AGPAT4: variants seen among roughly 807,000 people sequenced by gnomAD.
The protein encoded by AGPAT4 is 1-acyl-sn-glycerol-3-phosphate acyltransferase delta.
A neutral mutation model predicts 48.0 loss-of-function variants in AGPAT4; 15 were observed. The observed-to-expected ratio is 0.31, with a 90% CI of 0.21 to 0.48. AGPAT4 has a LOEUF of 0.48. Among genes scored for constraint, AGPAT4 ranks in the 20% least tolerant of loss-of-function variants. The probability of loss-of-function intolerance (pLI) is 0.99; values close to 1 mark genes in which losing one functional copy is unlikely to be tolerated. For synonymous variants in AGPAT4, 178 were observed against 198.7 expected (o/e 0.90, Z 0.88); for missense variants, 314 against 482.5 (o/e 0.65, Z 3.27).
chr6:161,171,733 C>CA lies in AGPAT4; in HGVS notation c.179-5317dup, dbSNP rs36059455. Among the ~76,000 whole-genome samples the CA allele has an allele frequency of 0.082, 9,652 of 117,666 alleles. 316 individuals are homozygous for CA. Among genetic ancestry groups the CA allele is most frequent in the Middle Eastern group, 0.15 (35 of 228 alleles). The allele number at this position is 117,666 out of a possible 152,430, so 77.2% of individuals were successfully genotyped here. On this transcript the variant is annotated intron_variant, in intron 2 of 8. Transcript: ENST00000320285. This position sits in a 1 kb window ranked among gnomAD's most constrained non-coding sequence, Gnocchi z 4.4. ...TGAAACCCTGTCTCTACTAAAAATACAAAAAAAAAAAAAAAAATTAGCTGG... is the reference window on the plus strand; with the variant it reads ...TGAAACCCTGTCTCTACTAAAAATACAAAAAAAAAAAAAAAAAATTAGCTGG...
rs1779743497 is a variant in AGPAT4 at position 161,155,453 on chromosome 6, C to T, written c.349-1143G>A. On this transcript the variant is annotated intron_variant, in intron 3 of 8. Transcript: ENST00000320285. This position sits in a 1 kb window ranked among gnomAD's most constrained non-coding sequence, Gnocchi z 5.8. ...CCTCTCTCCTCTCCTCCCCGTTACA[C>T]CCATGCCTCTCCGCAGCTCCAGCTC... is the stretch of plus-strand genomic sequence containing the variant. Among the ~76,000 whole-genome samples the T allele has an allele frequency of 6.6e-6, 1 of 152,162 alleles. No homozygotes were observed. The highest frequency in any genetic ancestry group is 1.5e-5 in the Non-Finnish European group (1 of 68,024).
rs1471193838 is a variant in AGPAT4 at position 161,201,007 on chromosome 6, A to C, written c.178+31029T>G. 1.3e-5 allele frequency among the ~76,000 whole-genome samples: 2 copies of C among 152,212 alleles called. No individual in the cohort carries two copies. Among genetic ancestry groups the C allele is most frequent in the African/African-American group, 4.8e-5 (2 of 41,458 alleles). ...CCATCAGAGCAACAGGCAGAACGAC[A>C]GCTTCCTGCAAATGCATCATCTTGC... On this transcript the variant is annotated intron_variant, in intron 2 of 8. Transcript: ENST00000320285. The surrounding 1 kb of genome is among the most constrained non-coding windows in gnomAD (Gnocchi z 6.0).
At chr6:161,203,069 C>T (rs1039315274) in intron 2 of AGPAT4, among the ~76,000 whole-genome samples, 2 of 152,198 alleles carry the variant, frequency 1.3e-5, no homozygotes, top group African/African-American at 4.8e-5. Flanking sequence ...TGTTCAGAAT[C>T]CTGACCCAAC....
chr6:161,240,617 G>A lies in AGPAT4; in HGVS notation c.-89-8315C>T, dbSNP rs560235990. Reference sequence around the variant, plus strand: ...CAGATTGTTTCTGAACCAATATTTCGGTCTCCAGGACACAGAATCCCCAGG... The same window carrying A: ...CAGATTGTTTCTGAACCAATATTTCAGTCTCCAGGACACAGAATCCCCAGG... On this transcript the variant is annotated intron_variant, in intron 1 of 8. Coordinates refer to ENST00000320285, the MANE Select transcript of AGPAT4 (RefSeq NM_020133.3). This position sits in a 1 kb window ranked among gnomAD's most constrained non-coding sequence, Gnocchi z 5.5. Among the ~76,000 whole-genome samples, 51 of 152,252 alleles carry A rather than the reference G, an allele frequency of 3.3e-4. 1 individual carries two copies. The South Asian group carries it at 7.5e-3, about 22-fold the overall frequency.
rs1300531671 is a variant in AGPAT4 at position 161,259,891 on chromosome 6, G to C, written c.-90+14047C>G. Among the ~76,000 whole-genome samples the C allele has an allele frequency of 2.6e-5, 4 of 152,188 alleles. No individual in the cohort carries two copies. Among genetic ancestry groups the C allele is most frequent in the Non-Finnish European group, 5.9e-5 (4 of 68,042 alleles). ...CACGCTGCACCCCCAGGGCCGAGTC[G>C]TAAGTTCACCATTGAGTCACATCCT... On this transcript the variant is annotated intron_variant, in intron 1 of 8. Transcript: ENST00000320285. This position sits in a 1 kb window ranked among gnomAD's most constrained non-coding sequence, Gnocchi z 4.9.
At position 161,169,777 on chromosome 6, in the gene AGPAT4, C is replaced by T. The variant is rs141392896; in HGVS notation, c.179-3360G>A. On this transcript the variant is annotated intron_variant, in intron 2 of 8. Transcript: ENST00000320285. This position sits in a 1 kb window ranked among gnomAD's most constrained non-coding sequence, Gnocchi z 5.0. ...CTCTAACTAGCTTCAGGATGTGTTA[C>T]GCTGGCCTGGACTACATTTCCCAAA... 0.01 allele frequency among the ~76,000 whole-genome samples: 1,529 copies of T among 152,294 alleles called. 16 individuals carry two copies. The highest frequency in any genetic ancestry group is 0.035 in the African/African-American group (1,463 of 41,558).
Position 161,139,616 on chromosome 6 carries a change from G to A in AGPAT4, c.848C>T (p.Ala283Val). ...WLHKLYQEKDAFQEEYYRTGT... is the reference protein window; with the variant it reads ...WLHKLYQEKDVFQEEYYRTGT... Reference sequence around the variant, plus strand: ...CGTCCTGTAGTACTCCTCCTGAAAGGCATCCTGGGGGACAGGAAAGAGGAC... The same window carrying A: ...CGTCCTGTAGTACTCCTCCTGAAAGACATCCTGGGGGACAGGAAAGAGGAC... The change falls in exon 8 of 9, where the codon GCC becomes GTC. Residue 283 changes from alanine to valine, a missense_variant. Ala to Val is a moderately conservative substitution (Grantham distance 64). Coordinates refer to ENST00000320285, the MANE Select transcript of AGPAT4 (RefSeq NM_020133.3). The surrounding 1 kb of genome is among the most constrained non-coding windows in gnomAD (Gnocchi z 9.1). 2 of 1,599,280 alleles carry A rather than the reference G, an allele frequency of 1.3e-6. No individual in the cohort carries two copies. The highest frequency in any genetic ancestry group is 2.2e-5 in the East Asian group (1 of 44,470).
chr6:161,217,716 G>T lies in AGPAT4; in HGVS notation c.178+14320C>A, dbSNP rs1033169323. On this transcript the variant is annotated intron_variant, in intron 2 of 8. Transcript: ENST00000320285. The surrounding 1 kb of genome is among the most constrained non-coding windows in gnomAD (Gnocchi z 4.9). ...CTGGTGAAAGGACTGGCTGGGAGAG[G>T]CATGGCATATTCAGAAATCCTCAAA... Among the ~76,000 whole-genome samples the T allele has an allele frequency of 1.3e-5, 2 of 152,184 alleles. No homozygotes were observed. Among genetic ancestry groups the T allele is most frequent in the Non-Finnish European group, 2.9e-5 (2 of 68,040 alleles).
Position 161,139,394 on chromosome 6 carries a change from A to G in AGPAT4, c.1042+28T>C, listed in dbSNP as rs747945427. ...CCTCTCCCAGGGTGGTGCTGTCAGC[A>G]CCCACCAGCCCCTTGCCCTCCACTC... is the stretch of plus-strand genomic sequence containing the variant. On this transcript the variant is annotated intron_variant, in intron 8 of 8. Transcript: ENST00000320285. The surrounding 1 kb of genome is among the most constrained non-coding windows in gnomAD (Gnocchi z 9.1). The G allele has an allele frequency of 1.2e-6, 2 of 1,611,010 alleles. No individual in the cohort carries two copies. Among genetic ancestry groups the G allele is most frequent in the South Asian group, 2.2e-5 (2 of 90,890 alleles).
chr6:161,213,474 T>A (rs773816974), intron 2 of AGPAT4, among the ~76,000 whole-genome samples: 3 of 150,908 alleles, frequency 2.0e-5, no homozygotes, highest in African/African-American at 4.9e-5. Context: ...TTCTAAGTTT[T>A]CTGGGCTACA....
At position 161,261,172 on chromosome 6, in the gene AGPAT4, G is replaced by A. The variant is rs150345630; in HGVS notation, c.-90+12766C>T. The stretch of plus-strand genomic sequence containing the variant: ...CAGCTCCTTCTCCTCCCTGCCTCCC[G>A]CTGAACAGTCAGGTGCATCTTTCCC... On this transcript the variant is annotated intron_variant, in intron 1 of 8. Transcript: ENST00000320285. This position sits in a 1 kb window ranked among gnomAD's most constrained non-coding sequence, Gnocchi z 5.3. 4.0e-3 allele frequency among the ~76,000 whole-genome samples: 611 copies of A among 152,148 alleles called. 3 individuals carry two copies. The highest frequency in any genetic ancestry group is 0.014 in the African/African-American group (571 of 41,484).
At chr6:161,252,578 C>G (rs1422709163) in intron 1 of AGPAT4, among the ~76,000 whole-genome samples, 1 of 152,162 alleles carries the variant, frequency 6.6e-6, no homozygotes, top group African/African-American at 2.4e-5. Flanking sequence ...AGTCCCAGCA[C>G]TCTGTAAGGC....
Position 161,189,669 on chromosome 6 carries a change from C to T in AGPAT4, c.179-23252G>A, listed in dbSNP as rs1780867216. ...CAGGCCAGCTGCACATCCGTGGGCT[C>T]CTCCATCAGTCTCTGGCCCCCTCTT... On this transcript the variant is annotated intron_variant, in intron 2 of 8. Transcript: ENST00000320285. The surrounding 1 kb of genome is among the most constrained non-coding windows in gnomAD (Gnocchi z 5.3). Among the ~76,000 whole-genome samples, 1 of 152,150 alleles carries T rather than the reference C, an allele frequency of 6.6e-6. No homozygotes were observed. The highest frequency in any genetic ancestry group is 1.5e-5 in the Non-Finnish European group (1 of 68,042).
At position 161,143,853 on chromosome 6, in the gene AGPAT4, C is replaced by T; in HGVS notation, c.843+2671G>A. The T allele has an allele frequency of 3.3e-6, 1 of 300,736 alleles. No individual in the cohort carries two copies. The highest frequency in any genetic ancestry group is 3.0e-5 in the South Asian group (1 of 33,342). 18.6% of individuals were successfully genotyped at this position (300,736 alleles called of 1,614,324 possible). ...TTGGAAAGACCAGAATGTTGGCACA[C>T]CTCTGTTGGCTGCCTGCCATTCCCC... On this transcript the variant is annotated intron_variant, in intron 7 of 8. Transcript: ENST00000320285. The surrounding 1 kb of genome is among the most constrained non-coding windows in gnomAD (Gnocchi z 4.7).
chr6:161,179,222 G>A (rs1780514966), intron 2 of AGPAT4, among the ~76,000 whole-genome samples: 1 of 152,192 alleles, frequency 6.6e-6, no homozygotes. Flanking sequence ...TCCAACATGC[G>A]TGGGTTGTGG....
chr6:161,230,974 A>T (rs951828241), intron 2 of AGPAT4, among the ~76,000 whole-genome samples: 1 of 152,224 alleles, frequency 6.6e-6, no homozygotes, highest in Non-Finnish European at 1.5e-5. Flanking sequence ...TCTGAAGTTT[A>T]ACAAATAAGA....
chr6:161,140,309 C>T lies in AGPAT4; in HGVS notation c.844-689G>A, dbSNP rs147490268. 6.5e-3 allele frequency among the ~76,000 whole-genome samples: 993 copies of T among 152,308 alleles called. 12 individuals carry two copies. The highest frequency in any genetic ancestry group is 0.023 in the African/African-American group (944 of 41,572). Reference sequence around the variant, plus strand: ...TGACTCTTCTAAGTGATTGTTAGACCGTGTGAAAGGTAAACAAACAGGCTC... The same window carrying T: ...TGACTCTTCTAAGTGATTGTTAGACTGTGTGAAAGGTAAACAAACAGGCTC... On this transcript the variant is annotated intron_variant, in intron 7 of 8. Coordinates refer to ENST00000320285, the MANE Select transcript of AGPAT4 (RefSeq NM_020133.3). This position sits in a 1 kb window ranked among gnomAD's most constrained non-coding sequence, Gnocchi z 6.5.
rs1373260997 is a variant in AGPAT4, at chr6:161,149,507, CAG to C, written c.665-220_665-219del. On this transcript the variant is annotated intron_variant, in intron 5 of 8. Transcript: ENST00000320285. The surrounding 1 kb of genome is among the most constrained non-coding windows in gnomAD (Gnocchi z 6.5). Reference sequence around the variant, plus strand: ...CCCACTAGAACTTAGTAATAGAAAACAGGGTCATTGCTGAAGTCAGATCATTT... The same window carrying C: ...CCCACTAGAACTTAGTAATAGAAAACGGTCATTGCTGAAGTCAGATCATTT... Among the ~76,000 whole-genome samples the C allele has an allele frequency of 1.3e-5, 2 of 152,058 alleles. No homozygotes were observed. Among genetic ancestry groups the C allele is most frequent in the African/African-American group, 4.8e-5 (2 of 41,390 alleles).
At chr6:161,185,283 CTTTTTTTT>C (rs35820706) in intron 2 of AGPAT4, among the ~76,000 whole-genome samples, 8 of 109,276 alleles carry the variant, frequency 7.3e-5, no homozygotes, top group African/African-American at 2.5e-4. Flanking sequence ...TTTAAGATGT[CTTTTTTTT>C]TTTTTTTTTT....
Sources: gnomAD v4.1 joint callset for allele counts (sites outside exome capture counted in the v4.1 genomes callset) on GRCh38, gnomAD v4.1.1 for gene constraint, Gnocchi (gnomAD v3.1) non-coding constraint, MANE v1.5 for transcripts, NCBI Gene and HGNC (gene_info 2026-07-23, HGNC 2026-07-21) for gene names.